The following MMP17 variants were observed in gnomAD, a reference collection of about 807,000 sequenced individuals.
MMP17 encodes matrix metallopeptidase 17.
In MMP17, 54 loss-of-function variants were observed where a neutral mutation model predicts 49.1. The observed-to-expected ratio is 1.10, with a 90% confidence interval of 0.88 to 1.38. The LOEUF is 1.38. MMP17 is among the 40% of genes most tolerant of loss of function. The probability of loss-of-function intolerance (pLI) is 0.00; values close to 1 mark genes in which losing one functional copy is unlikely to be tolerated. For synonymous variants in MMP17, 397 were observed against 383.1 expected (o/e 1.04, Z -0.42); for missense variants, 837 against 853.7 (o/e 0.98, Z 0.24).
intron 1 of MMP17, among the ~76,000 whole-genome samples, chr12:131,828,880 T>C (rs1886649781): frequency 6.6e-6 from 1 of 151,934 alleles, no homozygotes; most frequent in African/African-American, 2.4e-5. Flanking sequence ...CCGTCCCGGC[T>C]CCGTGCGCTG....
At chr12:131,837,825 C>G (rs557233390) in intron 1 of MMP17, among the ~76,000 whole-genome samples, 1 of 152,224 alleles carries the variant, frequency 6.6e-6, no homozygotes, top group African/African-American at 2.4e-5. Flanking sequence ...ACTCTCCTGC[C>G]TCAGCCTCCC....
At chr12:131,849,038 C>T (rs985103736) in intron 8 of MMP17, among the ~76,000 whole-genome samples, 11 of 152,222 alleles carry the variant, frequency 7.2e-5, no homozygotes, top group Non-Finnish European at 1.2e-4. Flanking sequence ...CGGCAGCGCC[C>T]GGCTCTGCCG....
intron 8 of MMP17, among the ~76,000 whole-genome samples, chr12:131,847,183 C>A (rs140244414): frequency 1.3e-5 from 2 of 151,342 alleles, no homozygotes; most frequent in South Asian, 2.1e-4. Flanking sequence ...GAGGCCGAGG[C>A]GGGCAGATTA....
chr12:131,851,541 G>A lies in MMP17; in HGVS notation c.*267G>A, dbSNP rs958653027. 1.6e-5 allele frequency: 6 copies of A among 383,380 alleles called. No homozygotes were observed. Among genetic ancestry groups the A allele is most frequent in the Admixed American group, 4.5e-5 (1 of 22,094 alleles). The allele number at this position is 383,380 out of a possible 1,614,324, so 23.7% of individuals were successfully genotyped here. A position where few individuals can be genotyped will look rare whatever the true frequency, so the allele number is the denominator to read the frequency against. ...GGGTGCCCAGTCAGGCCGCACCGCC[G>A]CCAGCCTCCTCCGGCCCTGGAGGGA... On this transcript the variant is annotated 3_prime_UTR_variant, in exon 10 of 10. Coordinates refer to ENST00000360564, the MANE Select transcript of MMP17 (RefSeq NM_016155.7).
chr12:131,847,398 G>A (rs1038849166), intron 8 of MMP17, among the ~76,000 whole-genome samples: 1 of 147,946 alleles, frequency 6.8e-6, no homozygotes, highest in Non-Finnish European at 1.5e-5. Flanking sequence ...GGGTGACAGA[G>A]CGAGACTCCG....
chr12:131,832,053 C>G (rs555700249), intron 1 of MMP17, among the ~76,000 whole-genome samples: 2 of 1,504 alleles, frequency 1.3e-3, no homozygotes, highest in Admixed American at 6.4e-3. Flanking sequence ...AGAGGATCTG[C>G]GGGGGGAAGG....
At position 131,838,686 on chromosome 12, in the gene MMP17, A is replaced by AGGAGAC. The variant is rs766832675; in HGVS notation, c.369_374dup (p.Arg124_Arg125dup). On this transcript the variant is annotated inframe_insertion, in exon 3 of 10. Transcript: ENST00000360564. ...CCTCCCTGTCCTGACCCAGGCTCGC[A>AGGAGAC]GGAGACGCCAGGCTCCAGCCCCCAC... 1 of 1,606,720 alleles carries AGGAGAC rather than the reference A, an allele frequency of 6.2e-7. No individual in the cohort carries two copies. The highest frequency in any genetic ancestry group is 8.5e-7 in the Non-Finnish European group (1 of 1,177,654).
At chr12:131,830,288 G>C (rs1046198749) in intron 1 of MMP17, among the ~76,000 whole-genome samples, 5 of 152,238 alleles carry the variant, frequency 3.3e-5, no homozygotes, top group African/African-American at 4.8e-5. Context: ...GTCTCTCCTG[G>C]CACCCCGGGG....
At position 131,840,609 on chromosome 12, in the gene MMP17, C is replaced by T. The variant is rs769542601; in HGVS notation, c.459C>T (p.His153=). The change falls in exon 4 of 10, where the codon CAC becomes CAT. Residue 153 remains histidine (H), a synonymous_variant. Transcript: ENST00000360564. ...TCCCACGGGACTCACCACTGGGGCA[C>T]GACACGGTGCGTGCACTCATGTACT... is the stretch of plus-strand genomic sequence containing the variant. ...RTFPRDSPLG[H]DTVRALMYYA... The T allele has an allele frequency of 1.3e-5, 21 of 1,602,990 alleles. No individual in the cohort carries two copies. The highest frequency in any genetic ancestry group is 1.7e-5 in the Admixed American group (1 of 59,892).
Position 131,840,674 on chromosome 12 carries a change from TC to T in MMP17, c.526del (p.His176ThrfsTer81). On this transcript the variant is annotated frameshift_variant, in exon 4 of 10. Coordinates refer to ENST00000360564, the MANE Select transcript of MMP17 (RefSeq NM_016155.7). LOFTEE classifies it high-confidence loss of function. ...KVWSDIAPLN[F>X]HEVAGSAADI... ...TGGAGCGACATTGCGCCCCTGAACT[TC>T]CACGAGGTGGCGGGCAGCGCCGCCG... The T allele has an allele frequency of 1.2e-6, 2 of 1,608,146 alleles. No individual in the cohort carries two copies. Among genetic ancestry groups the T allele is most frequent in the Admixed American group, 3.3e-5 (2 of 60,030 alleles).
chr12:131,831,342 G>A (rs1249444722), intron 1 of MMP17, among the ~76,000 whole-genome samples: 1 of 152,206 alleles, frequency 6.6e-6, no homozygotes, highest in Admixed American at 6.5e-5. Flanking sequence ...ATCTTCTGTA[G>A]GAGGTGGGGT....
chr12:131,837,171 C>T (rs961391363), intron 1 of MMP17, among the ~76,000 whole-genome samples: 2 of 152,204 alleles, frequency 1.3e-5, no homozygotes. Context: ...TCCTGGCTCA[C>T]GTCCTCATCA....
At chr12:131,844,137 TCCCACGCAACATTTG>T (rs1328634857) in intron 6 of MMP17, 56 bp downstream of exon 6, 4 of 1,417,798 alleles carry the variant, frequency 2.8e-6, no homozygotes, top group Non-Finnish European at 3.8e-6. Flanking sequence ...CTCATCCCTG[TCCCACGCAACATTTG>T]CCCCAAATCG....
At position 131,851,448 on chromosome 12, in the gene MMP17, C is replaced by A; in HGVS notation, c.*174C>A. 1 of 510,676 alleles carries A rather than the reference C, an allele frequency of 2.0e-6. No individual in the cohort carries two copies. Among genetic ancestry groups the A allele is most frequent in the Non-Finnish European group, 3.1e-6 (1 of 320,240 alleles). The allele number at this position is 510,676 out of a possible 1,614,324, so 31.6% of individuals were successfully genotyped here. A position where few individuals can be genotyped will look rare whatever the true frequency, so the allele number is the denominator to read the frequency against. ...GCCAGGGCTGGGCAGGCTCAGGTGG[C>A]AAGGACGGAGCTGTCCCCTAGTGAG... is the stretch of plus-strand genomic sequence containing the variant. On this transcript the variant is annotated 3_prime_UTR_variant, in exon 10 of 10. Coordinates refer to ENST00000360564, the MANE Select transcript of MMP17 (RefSeq NM_016155.7).
chr12:131,838,001 C>A, intron 1 of MMP17, 194 bp from the exon 2 acceptor site: 1 of 609,908 alleles, frequency 1.6e-6, no homozygotes, highest in Non-Finnish European at 2.7e-6. Flanking sequence ...TGAGCCACAG[C>A]ACCCGGCCAG....
rs370404573 is a variant in MMP17 at position 131,840,739 on chromosome 12, G to C, written c.589G>C (p.Gly197Arg). The change falls in exon 4 of 10, where the codon GGC (glycine) becomes CGC (arginine). Residue 197 changes from glycine (G) to arginine (R), a missense_variant. Gly to Arg is a moderately radical substitution (Grantham distance 125, BLOSUM62 -2). Coordinates refer to ENST00000360564, the MANE Select transcript of MMP17 (RefSeq NM_016155.7). ...IDFSKADHNDGYPFDGPGGTV... is the reference protein window; with the variant it reads ...IDFSKADHNDRYPFDGPGGTV... The stretch of plus-strand genomic sequence containing the variant: ...CTTCTCCAAGGCCGACCATAACGAC[G>C]GCTACCCCTTCGACGGCCCCGGCGG... 1 of 1,604,482 alleles carries C rather than the reference G, an allele frequency of 6.2e-7. No homozygotes were observed. The highest frequency in any genetic ancestry group is 1.1e-5 in the South Asian group (1 of 91,088).
intron 1 of MMP17, among the ~76,000 whole-genome samples, chr12:131,831,587 A>G (rs938829551): frequency 4.0e-5 from 6 of 151,478 alleles, no homozygotes; most frequent in African/African-American, 9.7e-5. Context: ...GGGTTAGACC[A>G]TGGCCTGATT....
At chr12:131,829,141 C>T (rs1016436705) in intron 1 of MMP17, among the ~76,000 whole-genome samples, 2 of 152,212 alleles carry the variant, frequency 1.3e-5, no homozygotes, top group African/African-American at 2.4e-5. Context: ...CCCGAGTTTG[C>T]TCGGTTGAGG....
rs1043989432 is a variant in MMP17, at chr12:131,851,094, C to G, written c.1632C>G (p.Ala544=). ...AGVDAAEGPR[A]PPGQHDQSRS... ...TGGACGCGGCAGAGGGGCCCCGCGC[C>G]CCTCCAGGACAACATGACCAGAGCC... Residue 544 remains alanine, a synonymous_variant, in exon 10 of 10, where the codon GCC becomes GCG. Coordinates refer to ENST00000360564, the MANE Select transcript of MMP17 (RefSeq NM_016155.7). The G allele has an allele frequency of 6.2e-7, 1 of 1,601,034 alleles. No individual in the cohort carries two copies. The highest frequency in any genetic ancestry group is 1.3e-5 in the African/African-American group (1 of 74,384).
Sources: gnomAD v4.1 joint callset for allele counts (sites outside exome capture counted in the v4.1 genomes callset) on GRCh38, gnomAD v4.1.1 for gene constraint, MANE v1.5 for transcripts, NCBI Gene and HGNC (gene_info 2026-07-23, HGNC 2026-07-21) for gene names.